PRDM16: variants seen among roughly 807,000 people sequenced by gnomAD.
PRDM16 encodes the protein histone-lysine N-methyltransferase PRDM16.
In PRDM16, 23 loss-of-function variants were observed where a neutral mutation model predicts 110.6. That is an observed-to-expected ratio of 0.21 (90% CI 0.15 to 0.29). The LOEUF is 0.29. Among genes scored for constraint, PRDM16 ranks in the 10% least tolerant of loss-of-function variants. The pLI is 1.00. For missense variants in PRDM16, 1,615 were observed against 1,794.3 expected (o/e 0.90, Z 1.81); for synonymous variants, 799 against 781.8 (o/e 1.02, Z -0.37).
intron 1 of PRDM16, among the ~76,000 whole-genome samples, chr1:3,137,932 G>A (rs2100695735): frequency 6.6e-6 from 1 of 152,334 alleles, no homozygotes; most frequent in Admixed American, 6.5e-5. Context: ...GTCCCACGAT[G>A]CATTTGAGGC....
intron 1 of PRDM16, among the ~76,000 whole-genome samples, chr1:3,179,273 G>C (rs1011390880): frequency 6.6e-6 from 1 of 152,258 alleles, no homozygotes; most frequent in African/African-American, 2.4e-5. Flanking sequence ...GCCAGGACTG[G>C]GGTCAGAGCG....
intron 12 of PRDM16, among the ~76,000 whole-genome samples, chr1:3,421,822 G>A (rs978049789): frequency 6.6e-6 from 1 of 152,258 alleles, no homozygotes; most frequent in African/African-American, 2.4e-5. Context: ...AAGAAACCAG[G>A]AACTGAATGA....
chr1:3,430,830 G>A (rs763575500), intron 14 of PRDM16, 42 bp from the exon 15 acceptor site: 2 of 1,606,280 alleles, frequency 1.2e-6, no homozygotes, highest in South Asian at 1.1e-5. Context: ...GGGAAGGACA[G>A]AGACACCCAA....
In PRDM16 at chr1:3,290,592, G is replaced by T. The variant is rs1256105163; in HGVS notation, c.438+46455G>T. ...GTGGCATCACTGAAGAAGCCCCGTG[G>T]CTCCGGCTCCGTCTGCAGGATCCCT... On this transcript the variant is annotated intron_variant, in intron 3 of 16. Coordinates refer to ENST00000270722, the MANE Select transcript of PRDM16 (RefSeq NM_022114.4). This position sits in a 1 kb window ranked among gnomAD's most constrained non-coding sequence, Gnocchi z 4.8. Among the ~76,000 whole-genome samples the T allele has an allele frequency of 6.6e-6, 1 of 152,204 alleles. No individual in the cohort carries two copies. The highest frequency in any genetic ancestry group is 1.5e-5 in the Non-Finnish European group (1 of 68,038).
chr1:3,127,668 C>T (rs1353441975), intron 1 of PRDM16, among the ~76,000 whole-genome samples: 3 of 152,218 alleles, frequency 2.0e-5, no homozygotes, highest in Non-Finnish European at 2.9e-5. Flanking sequence ...GACAGTAGGA[C>T]GAGGGTTGAG....
At chr1:3,193,103 G>A (rs1350749014) in intron 2 of PRDM16, among the ~76,000 whole-genome samples, 4 of 152,084 alleles carry the variant, frequency 2.6e-5, no homozygotes, top group Non-Finnish European at 4.4e-5. Flanking sequence ...GCCAGACGGC[G>A]AGTACCCAGC....
At position 3,225,573 on chromosome 1, in the gene PRDM16, T is replaced by TGCGC. The variant is rs138962991; in HGVS notation, c.388-18507_388-18504dup. On this transcript the variant is annotated intron_variant, in intron 2 of 16. Coordinates refer to ENST00000270722, the MANE Select transcript of PRDM16 (RefSeq NM_022114.4). The stretch of plus-strand genomic sequence containing the variant: ...GTGTGTGTGTGTGTGTGTGTGTGTG[T>TGCGC]GCGCGCGCGCAGAAGGAAGGAAACG... 1.5e-3 allele frequency among the ~76,000 whole-genome samples: 193 copies of TGCGC among 129,898 alleles called. 2 individuals are homozygous for TGCGC. The highest frequency in any genetic ancestry group is 3.6e-3 in the African/African-American group (135 of 37,538). The allele number at this position is 129,898 out of a possible 152,430, so 85.2% of individuals were successfully genotyped here. A position where few individuals can be genotyped will look rare whatever the true frequency, so the allele number is the denominator to read the frequency against.
In PRDM16 at chr1:3,099,432, G is replaced by A. The variant is rs150382911; in HGVS notation, c.37+30136G>A. On this transcript the variant is annotated intron_variant, in intron 1 of 16. Coordinates refer to ENST00000270722, the MANE Select transcript of PRDM16 (RefSeq NM_022114.4). ...AGCCTCACGGAGGCCCCGGAGCCCC[G>A]GATGCTCAGCACGGGGTCCCCAACA... Among the ~76,000 whole-genome samples the A allele has an allele frequency of 7.1e-3, 1,087 of 152,352 alleles. 9 individuals are homozygous for A. Among genetic ancestry groups the A allele is most frequent in the African/African-American group, 0.024 (991 of 41,584 alleles).
chr1:3,429,999 A>G (rs531765393), intron 14 of PRDM16, among the ~76,000 whole-genome samples: 6 of 152,310 alleles, frequency 3.9e-5, no homozygotes, highest in Admixed American at 6.5e-5. Flanking sequence ...AGGACAAGGA[A>G]GAGTGGCCCT....
At chr1:3,241,957 G>A (rs551137423) in intron 2 of PRDM16, among the ~76,000 whole-genome samples, 18 of 152,354 alleles carry the variant, frequency 1.2e-4, no homozygotes, top group Middle Eastern at 3.4e-3. Flanking sequence ...AGGTTGTGGT[G>A]TTAACGGGGG....
intron 3 of PRDM16, among the ~76,000 whole-genome samples, chr1:3,321,200 C>T (rs1190903845): frequency 6.6e-6 from 1 of 152,080 alleles, no homozygotes; most frequent in African/African-American, 2.4e-5. Flanking sequence ...GATAACTTAA[C>T]CCCGGGTGGG....
intron 1 of PRDM16, among the ~76,000 whole-genome samples, chr1:3,138,447 G>A (rs1044632422): frequency 1.3e-5 from 2 of 152,198 alleles, no homozygotes; most frequent in East Asian, 1.9e-4. Context: ...CGGAGCCGGC[G>A]TTGGGGTCTC....
At chr1:3,368,297 C>T (rs538525111) in intron 3 of PRDM16, among the ~76,000 whole-genome samples, 12 of 152,366 alleles carry the variant, frequency 7.9e-5, no homozygotes, top group Admixed American at 6.5e-4. Context: ...GGCTCCGACA[C>T]CTCTGTCTGG....
In PRDM16 at chr1:3,148,747, TG is replaced by T. The variant is rs1643724929; in HGVS notation, c.38-37372del. On this transcript the variant is annotated intron_variant, in intron 1 of 16. Transcript: ENST00000270722. The surrounding 1 kb of genome is among the most constrained non-coding windows in gnomAD (Gnocchi z 5.0). ...TGAATCTGGGCACTGCCTGGGACCA[TG>T]GGGGGACCACAATATCTCTCTAAAA... Among the ~76,000 whole-genome samples the T allele has an allele frequency of 6.6e-6, 1 of 152,150 alleles. No individual in the cohort carries two copies.
intron 1 of PRDM16, among the ~76,000 whole-genome samples, chr1:3,082,840 C>T (rs142238878): frequency 4.6e-4 from 70 of 152,348 alleles, no homozygotes; most frequent in Non-Finnish European, 9.0e-4. Flanking sequence ...ATGGGGCCGG[C>T]GCCTGGGTGC....
chr1:3,139,675 G>A (rs1011669587), intron 1 of PRDM16, among the ~76,000 whole-genome samples: 2 of 152,234 alleles, frequency 1.3e-5, no homozygotes, highest in Non-Finnish European at 2.9e-5. Flanking sequence ...TCTCATCTCT[G>A]TGCAGAGAAC....
At position 3,246,435 on chromosome 1, in the gene PRDM16, C is replaced by A. The variant is rs1404404837; in HGVS notation, c.438+2298C>A. ...TGCACGAGACCCCCCACGGCACCGC[C>A]GCGACTGCAGGGAGCTCAGCGCAGG... On this transcript the variant is annotated intron_variant, in intron 3 of 16. Coordinates refer to ENST00000270722, the MANE Select transcript of PRDM16 (RefSeq NM_022114.4). The surrounding 1 kb of genome is among the most constrained non-coding windows in gnomAD (Gnocchi z 5.2). Among the ~76,000 whole-genome samples the A allele has an allele frequency of 6.6e-6, 1 of 152,208 alleles. No homozygotes were observed. The highest frequency in any genetic ancestry group is 2.1e-4 in the South Asian group (1 of 4,834).
chr1:3,323,397 G>A (rs1443932666), intron 3 of PRDM16, among the ~76,000 whole-genome samples: 4 of 152,220 alleles, frequency 2.6e-5, no homozygotes, highest in East Asian at 1.9e-4. Flanking sequence ...AGTGTGTGCC[G>A]CCAGAAGCGA....
At chr1:3,346,453 C>T (rs911874035) in intron 3 of PRDM16, among the ~76,000 whole-genome samples, 2 of 152,204 alleles carry the variant, frequency 1.3e-5, no homozygotes, top group African/African-American at 4.8e-5. Flanking sequence ...GGAGACACTG[C>T]TGTCCCACGG....
Sources: allele counts gnomAD v4.1 joint callset (sites outside exome capture counted in the v4.1 genomes callset), GRCh38; gene constraint gnomAD v4.1.1; non-coding constraint Gnocchi (gnomAD v3.1); transcripts MANE v1.5; gene names NCBI Gene and HGNC (gene_info 2026-07-23, HGNC 2026-07-21).